The following PTPRD variants were observed in gnomAD, a reference collection of about 807,000 sequenced individuals.
PTPRD encodes the protein protein tyrosine phosphatase receptor type D, also known as receptor-type tyrosine-protein phosphatase delta.
A neutral mutation model predicts 214.5 loss-of-function variants in PTPRD; 34 were observed. The observed-to-expected ratio is 0.16, with a 90% CI of 0.12 to 0.21. The LOEUF is 0.21. Among genes scored for constraint, PTPRD ranks in the 10% least tolerant of loss-of-function variants. PTPRD has a pLI of 1.00. For missense variants in PTPRD, 2,545 were observed against 2,398.7 expected, an observed-to-expected ratio of 1.06 and a Z score of -1.27; for synonymous variants, 1,128 against 845.7, an observed-to-expected ratio of 1.33 and a Z score of -5.79.
chr9:9,272,762 C>G (rs1594932821), intron 9 of PTPRD, among the ~76,000 whole-genome samples: 1 of 151,246 alleles, frequency 6.6e-6, no homozygotes, highest in African/African-American at 2.4e-5. Context: ...CTACCTGCCA[C>G]TTTCATGTCC....
intron 8 of PTPRD, among the ~76,000 whole-genome samples, chr9:9,447,096 G>A (rs1320120757): frequency 6.6e-6 from 1 of 152,120 alleles, no homozygotes; most frequent in Non-Finnish European, 1.5e-5. Context: ...CATTTGTGGA[G>A]AATAGTGTGG....
At chr9:9,128,812 G>C (rs924739862) in intron 10 of PTPRD, among the ~76,000 whole-genome samples, 1 of 152,214 alleles carries the variant, frequency 6.6e-6, no homozygotes, top group African/African-American at 2.4e-5. Flanking sequence ...GCAGAGCAGA[G>C]AAGTTAGCGT....
chr9:10,571,988 G>A (rs771290486), intron 2 of PTPRD, among the ~76,000 whole-genome samples: 2 of 152,094 alleles, frequency 1.3e-5, no homozygotes, highest in African/African-American at 2.4e-5. Context: ...AGGGGTTGGG[G>A]ACACCTGATA....
intron 8 of PTPRD, among the ~76,000 whole-genome samples, chr9:9,431,958 C>T (rs1451089333): frequency 2.0e-5 from 3 of 150,774 alleles, no homozygotes; most frequent in Non-Finnish European, 4.4e-5. Context: ...ATGTAAATGA[C>T]AAGTTAATGG....
At chr9:8,779,341 C>T (rs1007545300) in intron 11 of PTPRD, among the ~76,000 whole-genome samples, 1 of 151,866 alleles carries the variant, frequency 6.6e-6, no homozygotes, top group Middle Eastern at 3.2e-3. Flanking sequence ...CCAGCCCCTC[C>T]TTTAGAGATG....
rs185258302 is a variant in PTPRD, at chr9:10,504,668, C to T, written c.-600+107730G>A. ...AGGTAAACAGGACACTTCCTTTTATCAGCATTTTATAGAGAAAGAAACTGA... is the reference window on the plus strand; with the variant it reads ...AGGTAAACAGGACACTTCCTTTTATTAGCATTTTATAGAGAAAGAAACTGA... On this transcript the variant is annotated intron_variant, in intron 2 of 45. Coordinates refer to ENST00000381196, the MANE Select transcript of PTPRD (RefSeq NM_002839.4). 2.0e-5 allele frequency among the ~76,000 whole-genome samples: 3 copies of T among 152,226 alleles called. No individual in the cohort carries two copies. The East Asian group carries it at 5.8e-4, about 29-fold the overall frequency.
intron 3 of PTPRD, among the ~76,000 whole-genome samples, chr9:10,091,679 A>G (rs927697148): frequency 6.6e-6 from 1 of 151,418 alleles, no homozygotes; most frequent in African/African-American, 2.4e-5. Flanking sequence ...TGATTTGGAC[A>G]TTTTCTTGCA....
intron 4 of PTPRD, among the ~76,000 whole-genome samples, chr9:9,956,298 C>T (rs373575820): frequency 1.4e-5 from 2 of 142,852 alleles, no homozygotes; most frequent in Non-Finnish European, 3.1e-5. Flanking sequence ...AAAAAAAAAA[C>T]TCTACCAAAT....
chr9:10,210,529 C>A (rs565107053), intron 3 of PTPRD, among the ~76,000 whole-genome samples: 1 of 151,778 alleles, frequency 6.6e-6, no homozygotes, highest in East Asian at 1.9e-4. Context: ...GGGGGGGCTT[C>A]TTGCACATTT....
chr9:9,450,784 T>G (rs2145210906), intron 8 of PTPRD, among the ~76,000 whole-genome samples: 1 of 151,754 alleles, frequency 6.6e-6, no homozygotes, highest in Admixed American at 6.6e-5. Context: ...AAATTATCTT[T>G]TAAAAAAGAG....
chr9:9,829,069 G>T (rs921562336), intron 5 of PTPRD, among the ~76,000 whole-genome samples: 7 of 151,392 alleles, frequency 4.6e-5, no homozygotes, highest in Non-Finnish European at 1.0e-4. Context: ...GGTATAGCGG[G>T]GAATAAAAAA....
At chr9:8,590,917 T>G (rs1294144740) in intron 14 of PTPRD, among the ~76,000 whole-genome samples, 2 of 152,170 alleles carry the variant, frequency 1.3e-5, no homozygotes, top group Non-Finnish European at 2.9e-5. Context: ...TTCACTGGGT[T>G]AGACTGAGGT....
intron 6 of PTPRD, among the ~76,000 whole-genome samples, chr9:9,751,653 G>T (rs10977946): frequency 6.6e-6 from 1 of 151,996 alleles, no homozygotes; most frequent in South Asian, 2.1e-4. Context: ...AGAGACACAC[G>T]GTACAAACAT....
chr9:9,422,572 T>A (rs1342866698), intron 8 of PTPRD, among the ~76,000 whole-genome samples: 1 of 152,130 alleles, frequency 6.6e-6, no homozygotes, highest in East Asian at 1.9e-4. Flanking sequence ...ACTGTCCATT[T>A]TTCTCCTTGG....
At chr9:9,034,390 G>T (rs114849596) in intron 10 of PTPRD, among the ~76,000 whole-genome samples, 3,493 of 152,222 alleles carry the variant, frequency 0.023, 135 homozygotes, top group African/African-American at 0.08. Flanking sequence ...TATTTAAATT[G>T]TGAGTCTGAG....
rs972976738 is a variant in PTPRD, at chr9:10,551,583, T to C, written c.-600+60815A>G. On this transcript the variant is annotated intron_variant, in intron 2 of 45. Coordinates refer to ENST00000381196, the MANE Select transcript of PTPRD (RefSeq NM_002839.4). ...AAAGAGCTGCCTTGCCCTCTCCACA[T>C]GCATTAAGTCTATATCTATAAACCA... Among the ~76,000 whole-genome samples the C allele has an allele frequency of 2.6e-5, 4 of 152,146 alleles. No homozygotes were observed. The South Asian group carries it at 8.3e-4, about 32-fold the overall frequency.
chr9:9,462,300 T>G (rs994583411), intron 8 of PTPRD, among the ~76,000 whole-genome samples: 2 of 152,134 alleles, frequency 1.3e-5, no homozygotes, highest in Non-Finnish European at 2.9e-5. Context: ...GGCAGTGAAC[T>G]ATGCAGCCAA....
chr9:8,645,866 T>G (rs941148625), intron 12 of PTPRD, among the ~76,000 whole-genome samples: 1 of 152,056 alleles, frequency 6.6e-6, no homozygotes, highest in African/African-American at 2.4e-5. Context: ...TTTCTGTTTT[T>G]GGCATATTCA....
intron 20 of PTPRD, among the ~76,000 whole-genome samples, chr9:8,519,608 A>C (rs940116938): frequency 6.6e-6 from 1 of 152,074 alleles, no homozygotes; most frequent in African/African-American, 2.4e-5. Flanking sequence ...ACTTACTGTA[A>C]AATTGTGAAT....
Sources: allele counts gnomAD v4.1 joint callset (sites outside exome capture counted in the v4.1 genomes callset), GRCh38; gene constraint gnomAD v4.1.1; transcripts MANE v1.5; gene names NCBI Gene and HGNC (gene_info 2026-07-23, HGNC 2026-07-21).